The following PLEK variants were observed in gnomAD, a reference collection of about 807,000 sequenced individuals.
PLEK encodes the protein platelet 47 kDa protein.
Under a neutral mutation model 43.9 loss-of-function variants are expected in PLEK, and 25 were observed. That is an observed-to-expected ratio of 0.57 (90% CI 0.41 to 0.79). The LOEUF (loss-of-function observed/expected upper bound fraction) is 0.79, where lower values mean the gene tolerates loss of function less well. PLEK is among the 30% of genes least tolerant of loss of function. The pLI, the probability that PLEK is intolerant of heterozygous loss-of-function variation, is 0.00. For missense variants in PLEK, 396 were observed against 413.3 expected (o/e 0.96, Z 0.36); for synonymous variants, 152 against 144.4 (o/e 1.05, Z -0.38).
At position 68,397,414 on chromosome 2, in the gene PLEK, C is replaced by T. The variant is rs574041566; in HGVS notation, c.*1598C>T. ...AAAGTATTTATTAATGGGAAGTCAACTTAATGTTTTGAAATAAATATATGA... is the reference window on the plus strand; with the variant it reads ...AAAGTATTTATTAATGGGAAGTCAATTTAATGTTTTGAAATAAATATATGA... On this transcript the variant is annotated 3_prime_UTR_variant, in exon 9 of 9. Transcript: ENST00000234313. 6.6e-6 allele frequency: 1 copy of T among 152,310 alleles called. No homozygotes were observed. Among genetic ancestry groups the T allele is most frequent in the African/African-American group, 2.4e-5 (1 of 41,558 alleles). The allele number at this position is 152,310 out of a possible 1,614,324, so 9.4% of individuals were successfully genotyped here. A position where few individuals can be genotyped will look rare whatever the true frequency, so the allele number is the denominator to read the frequency against.
At position 68,383,425 on chromosome 2, in the gene PLEK, G is replaced by A. The variant is rs79899777; in HGVS notation, c.472+792G>A. On this transcript the variant is annotated intron_variant, in intron 4 of 8. Transcript: ENST00000234313. ...ACCCAAATTTGACCCTGAAAGATGG[G>A]TAGAATTTCATTAAATATTTACAGG... Among the ~76,000 whole-genome samples, 114 of 152,230 alleles carry A rather than the reference G, an allele frequency of 7.5e-4. 2 individuals carry two copies. In the East Asian group the frequency reaches 0.02, roughly 27 times the overall value.
intron 1 of PLEK, among the ~76,000 whole-genome samples, chr2:68,379,510 C>CAAA (rs559920562): frequency 2.0e-5 from 3 of 150,768 alleles, no homozygotes; most frequent in African/African-American, 7.3e-5. Flanking sequence ...ATAAAGACTT[C>CAAA]AAAAAAAGAA....
chr2:68,372,163 A>G (rs367546176), intron 1 of PLEK, among the ~76,000 whole-genome samples: 1 of 144,990 alleles, frequency 6.9e-6, no homozygotes, highest in East Asian at 2.1e-4. Context: ...AGTTTTTTAA[A>G]TATAGAGAAG....
chr2:68,368,199 C>G (rs547206959), intron 1 of PLEK, among the ~76,000 whole-genome samples: 1 of 152,318 alleles, frequency 6.6e-6, no homozygotes, highest in East Asian at 1.9e-4. Context: ...CTGTCATTTT[C>G]CAGCTTTTTC....
chr2:68,365,499 C>A, intron 1 of PLEK, 106 bp downstream of exon 1: 6 of 941,142 alleles, frequency 6.4e-6, no homozygotes, highest in South Asian at 5.3e-5. Context: ...TCCTGTTCAA[C>A]CAGTTGGGTT....
rs563083500 is a variant in PLEK, at chr2:68,375,855, T to A, written c.43-4473T>A. Among the ~76,000 whole-genome samples, 150 of 152,332 alleles carry A rather than the reference T, an allele frequency of 9.8e-4. 1 individual carries two copies. Among genetic ancestry groups the A allele is most frequent in the South Asian group, 1.4e-3 (7 of 4,828 alleles). The stretch of plus-strand genomic sequence containing the variant: ...GACCAGAAATAGAGACTTCCCTGTT[T>A]TAATCAGAATGGTCAACTTATTGCT... On this transcript the variant is annotated intron_variant, in intron 1 of 8. Coordinates refer to ENST00000234313, the MANE Select transcript of PLEK (RefSeq NM_002664.3).
chr2:68,386,733 G>T, intron 5 of PLEK, 47 bp downstream of exon 5: 1 of 1,436,028 alleles, frequency 7.0e-7, no homozygotes. Context: ...AGGCTGCCCT[G>T]AGCAGATTCT....
At chr2:68,394,635 A>T (rs1296997071) in intron 8 of PLEK, among the ~76,000 whole-genome samples, 1 of 151,924 alleles carries the variant, frequency 6.6e-6, no homozygotes, top group East Asian at 1.9e-4. Context: ...GGCCTTGGGG[A>T]GTTGGATGGC....
rs748869180 is a variant in PLEK, at chr2:68,395,800, C to T, written c.1037C>T (p.Ser346Phe). Residue 346 changes from serine (S) to phenylalanine (F), a missense_variant, in exon 9 of 9, where the codon TCC becomes TTC. By Grantham distance (155) the Ser-to-Phe change is radical. Coordinates refer to ENST00000234313, the MANE Select transcript of PLEK (RefSeq NM_002664.3). ...TEWIRAIQMA[S>F]RTGK ...TGGATCAGAGCCATCCAGATGGCCT[C>T]CCGAACTGGGAAGTAAAGAGACTCC... 2 of 1,613,666 alleles carry T rather than the reference C, an allele frequency of 1.2e-6. No individual in the cohort carries two copies. Among genetic ancestry groups the T allele is most frequent in the Non-Finnish European group, 1.7e-6 (2 of 1,179,604 alleles).
At chr2:68,387,091 C>T (rs551868596) in intron 5 of PLEK, among the ~76,000 whole-genome samples, 6 of 152,194 alleles carry the variant, frequency 3.9e-5, no homozygotes, top group African/African-American at 7.2e-5. Flanking sequence ...CTGCAACCTC[C>T]GCCTCCCGGG....
chr2:68,385,663 C>T (rs1573078141), intron 4 of PLEK, among the ~76,000 whole-genome samples: 1 of 152,088 alleles, frequency 6.6e-6, no homozygotes, highest in African/African-American at 2.4e-5. Flanking sequence ...GCTGCCCCCT[C>T]AGCTTGTGCT....
intron 1 of PLEK, among the ~76,000 whole-genome samples, chr2:68,373,196 G>A (rs528629099): frequency 2.6e-5 from 4 of 152,258 alleles, no homozygotes; most frequent in South Asian, 2.1e-4. Flanking sequence ...CAGTAGTGGT[G>A]AAGAGGAGAG....
Position 68,396,372 on chromosome 2 carries a change from CT to C in PLEK, c.*558del. On this transcript the variant is annotated 3_prime_UTR_variant, in exon 9 of 9. Transcript: ENST00000234313. ...TAGACATCTTCTACTTGCTCTTGGCCTTGAGATCGTGTAACAAAATGAAGGA... is the reference window on the plus strand; with the variant it reads ...TAGACATCTTCTACTTGCTCTTGGCCTGAGATCGTGTAACAAAATGAAGGA... 1 of 152,258 alleles carries C rather than the reference CT, an allele frequency of 6.6e-6. No homozygotes were observed. Among genetic ancestry groups the C allele is most frequent in the Admixed American group, 6.5e-5 (1 of 15,290 alleles). The allele number at this position is 152,258 out of a possible 1,614,324, so 9.4% of individuals were successfully genotyped here. A position where few individuals can be genotyped will look rare whatever the true frequency, so the allele number is the denominator to read the frequency against.
Position 68,395,542 on chromosome 2 carries a change from G to A in PLEK, c.917-138G>A, listed in dbSNP as rs944615979. On this transcript the variant is annotated intron_variant, in intron 8 of 8. Transcript: ENST00000234313. The stretch of plus-strand genomic sequence containing the variant: ...ATGAATTATCCTATAATCATACCTT[G>A]TTTGTATGTTTGAAAGCCACATAGT... The A allele has an allele frequency of 8.5e-6, 7 of 826,256 alleles. No individual in the cohort carries two copies. In the African/African-American group the frequency reaches 1.0e-4, roughly 12 times the overall value. The allele number at this position is 826,256 out of a possible 1,614,324, so 51.2% of individuals were successfully genotyped here.
intron 6 of PLEK, among the ~76,000 whole-genome samples, chr2:68,391,640 C>T (rs1461912081): frequency 1.3e-5 from 2 of 152,172 alleles, no homozygotes; most frequent in African/African-American, 4.8e-5. Flanking sequence ...TGAAAGCTTC[C>T]TTGAAGCACC....
In PLEK at chr2:68,377,065, T is replaced by A. The variant is rs967816236; in HGVS notation, c.43-3263T>A. 9.9e-5 allele frequency among the ~76,000 whole-genome samples: 15 copies of A among 152,198 alleles called. No individual in the cohort carries two copies. In the South Asian group the frequency reaches 3.1e-3, roughly 31 times the overall value. ...TGGCTCATTTCACTCAACATAATGA[T>A]CTTCGGGTCCATCCATGTTGTTGCA... On this transcript the variant is annotated intron_variant, in intron 1 of 8. Coordinates refer to ENST00000234313, the MANE Select transcript of PLEK (RefSeq NM_002664.3).
chr2:68,375,989 G>A (rs1445613857), intron 1 of PLEK, among the ~76,000 whole-genome samples: 1 of 152,178 alleles, frequency 6.6e-6, no homozygotes, highest in Non-Finnish European at 1.5e-5. Flanking sequence ...CCTTTTGCAA[G>A]TGATTTTCAT....
In PLEK at chr2:68,380,496, C is replaced by G; in HGVS notation, c.198+13C>G. On this transcript the variant is annotated intron_variant, in intron 2 of 8. Transcript: ENST00000234313. The stretch of plus-strand genomic sequence containing the variant: ...TGGCAAAAGGATGGTAAGTTGACAT[C>G]ATGAGCTGCCGTGAACCCCTGGTCA... 6 of 1,611,680 alleles carry G rather than the reference C, an allele frequency of 3.7e-6. No individual in the cohort carries two copies. The highest frequency in any genetic ancestry group is 5.1e-6 in the Non-Finnish European group (6 of 1,178,392).
chr2:68,376,082 A>G (rs77899500), intron 1 of PLEK, among the ~76,000 whole-genome samples: 2,622 of 152,322 alleles, frequency 0.017, 69 homozygotes, highest in African/African-American at 0.06. Context: ...GATTAGCCCA[A>G]GAGATGGAAG....
Sources: allele counts gnomAD v4.1 joint callset (sites outside exome capture counted in the v4.1 genomes callset), GRCh38; gene constraint gnomAD v4.1.1; transcripts MANE v1.5; gene names NCBI Gene and HGNC (gene_info 2026-07-23, HGNC 2026-07-21).